RSRC1: variants seen among roughly 807,000 people sequenced by gnomAD.
The protein encoded by RSRC1 is arginine and serine rich coiled-coil 1.
Under a neutral mutation model 49.1 loss-of-function variants are expected in RSRC1, and 39 were observed. The ratio of observed to expected loss-of-function variants is 0.79; its 90% CI spans 0.61 to 1.04. The LOEUF is 1.04. RSRC1 is among the 50% of genes least tolerant of loss of function. The pLI is 0.00. For missense variants in RSRC1, 388 were observed against 402.4 expected, an observed-to-expected ratio of 0.96 and a Z score of 0.31; for synonymous variants, 143 against 130.8, an observed-to-expected ratio of 1.09 and a Z score of -0.63.
At chr3:158,395,637 A>G (rs1331096258) in intron 6 of RSRC1, among the ~76,000 whole-genome samples, 1 of 152,162 alleles carries the variant, frequency 6.6e-6, no homozygotes. Context: ...ATACCATCTC[A>G]TACCACTCAG....
At chr3:158,445,659 AC>A (rs1304000867) in intron 6 of RSRC1, among the ~76,000 whole-genome samples, 1 of 152,066 alleles carries the variant, frequency 6.6e-6, no homozygotes, top group East Asian at 1.9e-4. Context: ...AACAACAACA[AC>A]AACGAAAAAA....
intron 1 of RSRC1, 62 bp from the exon 2 acceptor site, chr3:158,122,041 A>G (rs1715292097): frequency 2.2e-6 from 2 of 898,412 alleles, no homozygotes; most frequent in African/African-American, 3.5e-5. Context: ...AAATTAATAT[A>G]TTGCATTTCA....
At chr3:158,376,137 A>ATCCCTCCC (rs58871024) in intron 6 of RSRC1, among the ~76,000 whole-genome samples, 87 of 88,612 alleles carry the variant, frequency 9.8e-4, no homozygotes, top group African/African-American at 5.5e-3. Context: ...GAAAGAATAT[A>ATCCCTCCC]TCCCTCCCTC....
chr3:158,148,312 C>T (rs1260761767), intron 3 of RSRC1, among the ~76,000 whole-genome samples: 1 of 151,894 alleles, frequency 6.6e-6, no homozygotes, highest in East Asian at 1.9e-4. Flanking sequence ...TGATCATTCT[C>T]CTCATAAAAT....
rs1713292352 is a variant in RSRC1, at chr3:158,545,439, A to T, written c.*1164A>T. 6.6e-6 allele frequency: 1 copy of T among 151,890 alleles called. No individual in the cohort carries two copies. Among genetic ancestry groups the T allele is most frequent in the Admixed American group, 6.6e-5 (1 of 15,248 alleles). The allele number at this position is 151,890 out of a possible 1,614,324, so 9.4% of individuals were successfully genotyped here. On this transcript the variant is annotated 3_prime_UTR_variant, in exon 10 of 10. Transcript: ENST00000611884. The stretch of plus-strand genomic sequence containing the variant: ...GATGGTCTATTTTCTTCTGTTGTCC[A>T]GTCACTAATTTAGTCTCTGCGAAGA...
rs1260974718 is a variant in RSRC1, at chr3:158,215,524, G to A, written c.494+12279G>A. On this transcript the variant is annotated intron_variant, in intron 4 of 9. Coordinates refer to ENST00000611884, the MANE Select transcript of RSRC1 (RefSeq NM_001271838.2). ...TGTTTGGATTTAGGTCTTCCCTTCT[G>A]TCATTAATTTTCTGTTTATTTCCTC... Among the ~76,000 whole-genome samples the A allele has an allele frequency of 2.0e-5, 3 of 151,472 alleles. No individual in the cohort carries two copies. In the South Asian group the frequency reaches 6.3e-4, roughly 32 times the overall value.
At chr3:158,508,914 C>T (rs1740010399) in intron 7 of RSRC1, among the ~76,000 whole-genome samples, 1 of 152,178 alleles carries the variant, frequency 6.6e-6, no homozygotes, top group African/African-American at 2.4e-5. Context: ...CCCACCTCTG[C>T]TCCCTGATTT....
chr3:158,247,961 A>G (rs1723997502), intron 4 of RSRC1, among the ~76,000 whole-genome samples: 1 of 152,238 alleles, frequency 6.6e-6, no homozygotes, highest in Non-Finnish European at 1.5e-5. Context: ...CCAATGGAAG[A>G]GAATAGAGAA....
At chr3:158,517,364 G>T (rs547769142) in intron 7 of RSRC1, among the ~76,000 whole-genome samples, 1 of 152,020 alleles carries the variant, frequency 6.6e-6, no homozygotes, top group Admixed American at 6.5e-5. Context: ...TCACTGCACT[G>T]ACTGCAACCC....
intron 6 of RSRC1, among the ~76,000 whole-genome samples, chr3:158,383,606 A>G (rs1301236950): frequency 1.3e-5 from 2 of 152,188 alleles, no homozygotes; most frequent in Admixed American, 6.6e-5. Flanking sequence ...TATCTTTAAC[A>G]TGCATACAAA....
In RSRC1 at chr3:158,240,984, AT is replaced by A. The variant is rs1371274058; in HGVS notation, c.494+37741del. 2.6e-5 allele frequency among the ~76,000 whole-genome samples: 4 copies of A among 152,318 alleles called. No individual in the cohort carries two copies. In the East Asian group the frequency reaches 7.7e-4, roughly 29 times the overall value. ...ATTATTATAATTGTTCTATTTTCTT[AT>A]TAGTTATTGTCATTAATCTCTTATG... On this transcript the variant is annotated intron_variant, in intron 4 of 9. Coordinates refer to ENST00000611884, the MANE Select transcript of RSRC1 (RefSeq NM_001271838.2).
In RSRC1 at chr3:158,312,488, C is replaced by T. The variant is rs1453337765; in HGVS notation, c.531+14413C>T. ...ATTTAATAAATAGAAGAAGCAGGTGCCAAATAAATATATAACAAGCATATT... is the reference window on the plus strand; with the variant it reads ...ATTTAATAAATAGAAGAAGCAGGTGTCAAATAAATATATAACAAGCATATT... On this transcript the variant is annotated intron_variant, in intron 5 of 9. Coordinates refer to ENST00000611884, the MANE Select transcript of RSRC1 (RefSeq NM_001271838.2). Among the ~76,000 whole-genome samples, 3 of 151,952 alleles carry T rather than the reference C, an allele frequency of 2.0e-5. No individual in the cohort carries two copies. In the South Asian group the frequency reaches 6.2e-4, roughly 32 times the overall value.
At chr3:158,463,546 T>A (rs769338546) in intron 7 of RSRC1, among the ~76,000 whole-genome samples, 2 of 152,108 alleles carry the variant, frequency 1.3e-5, no homozygotes, top group Non-Finnish European at 2.9e-5. Context: ...TAATTTCTCA[T>A]CATGCTGATG....
intron 3 of RSRC1, among the ~76,000 whole-genome samples, chr3:158,177,002 A>G (rs900975911): frequency 2.0e-5 from 3 of 152,244 alleles, no homozygotes; most frequent in Non-Finnish European, 4.4e-5. Flanking sequence ...GACACTTCTC[A>G]AAAGAAGACA....
intron 6 of RSRC1, among the ~76,000 whole-genome samples, chr3:158,369,484 T>G (rs1731951619): frequency 6.6e-6 from 1 of 152,134 alleles, no homozygotes. Flanking sequence ...ACCACATACG[T>G]AGACTGTATG....
chr3:158,237,061 C>T (rs1282120512), intron 4 of RSRC1, among the ~76,000 whole-genome samples: 1 of 152,160 alleles, frequency 6.6e-6, no homozygotes, highest in Non-Finnish European at 1.5e-5. Context: ...CATTATGTGT[C>T]AAGCGCTTTA....
chr3:158,271,585 AAT>A (rs1223898110), intron 4 of RSRC1, among the ~76,000 whole-genome samples: 4 of 152,110 alleles, frequency 2.6e-5, no homozygotes, highest in Admixed American at 1.3e-4. Flanking sequence ...TGCTTTTTTA[AAT>A]ATATAGTTTC....
chr3:158,191,202 A>T (rs1482132484), intron 3 of RSRC1, among the ~76,000 whole-genome samples: 2 of 151,962 alleles, frequency 1.3e-5, no homozygotes, highest in Admixed American at 6.6e-5. Flanking sequence ...ATTAAAAAAA[A>T]TTCCTTTTAT....
chr3:158,511,366 A>T (rs1366851753), intron 7 of RSRC1, among the ~76,000 whole-genome samples: 1 of 151,878 alleles, frequency 6.6e-6, no homozygotes, highest in Non-Finnish European at 1.5e-5. Context: ...GAGTGAGAAT[A>T]TGTGGTGTTT....
Sources: allele counts gnomAD v4.1 joint callset (sites outside exome capture counted in the v4.1 genomes callset), GRCh38; gene constraint gnomAD v4.1.1; transcripts MANE v1.5; gene names NCBI Gene and HGNC (gene_info 2026-07-23, HGNC 2026-07-21).